The following BRINP1 variants were observed in gnomAD, a reference collection of about 807,000 sequenced individuals.
BRINP1 encodes the protein BMP/retinoic acid-inducible neural-specific protein 1.
A neutral mutation model predicts 72.9 loss-of-function variants in BRINP1; 17 were observed. The observed-to-expected ratio is 0.23, with a 90% CI of 0.16 to 0.35. The LOEUF is 0.35. Among genes scored for constraint, BRINP1 ranks in the 10% least tolerant of loss-of-function variants. The pLI is 1.00. For missense variants in BRINP1, 850 were observed against 1,001.6 expected (o/e 0.85, Z 2.04); for synonymous variants, 418 against 378.5 (o/e 1.10, Z -1.21).
At chr9:119,173,573 A>G (rs1462613381) in intron 7 of BRINP1, among the ~76,000 whole-genome samples, 1 of 152,074 alleles carries the variant, frequency 6.6e-6, no homozygotes, top group African/African-American at 2.4e-5. Context: ...TGCCCAAGGT[A>G]ATTTACAGAT....
chr9:119,241,895 T>A lies in BRINP1; in HGVS notation c.579+152A>T, dbSNP rs1406262706. 1.1e-5 allele frequency: 8 copies of A among 752,856 alleles called. No homozygotes were observed. In the East Asian group the frequency reaches 2.1e-4, roughly 19 times the overall value. 46.6% of individuals were successfully genotyped at this position (752,856 alleles called of 1,614,324 possible). A position where few individuals can be genotyped will look rare whatever the true frequency, so the allele number is the denominator to read the frequency against. On this transcript the variant is annotated intron_variant, in intron 4 of 7. Coordinates refer to ENST00000265922, the MANE Select transcript of BRINP1 (RefSeq NM_014618.3). ...ACATTGATATTAATTACAGGGTATG[T>A]GACAATATCAGTCAAAGCAGCTGGC... is the stretch of plus-strand genomic sequence containing the variant.
chr9:119,185,087 G>A (rs1829602403), intron 7 of BRINP1, among the ~76,000 whole-genome samples: 1 of 152,036 alleles, frequency 6.6e-6, no homozygotes, highest in East Asian at 1.9e-4. Flanking sequence ...TGGGTCCAGT[G>A]GGTACTTCCG....
At chr9:119,282,900 A>G (rs1398526782) in intron 2 of BRINP1, 2 of 985,428 alleles carry the variant, frequency 2.0e-6, no homozygotes, top group East Asian at 2.3e-4. Context: ...CCGCAAACAC[A>G]AAAGCTCTAT....
Position 119,269,902 on chromosome 9 carries a change from G to A in BRINP1, c.219-20752C>T, listed in dbSNP as rs1051351756. On this transcript the variant is annotated intron_variant, in intron 2 of 7. Transcript: ENST00000265922. Reference sequence around the variant, plus strand: ...GTCCTTCTTTATGAGACTTCTAGCAGAAAGAGATAAATAATAAATATTTTA... The same window carrying A: ...GTCCTTCTTTATGAGACTTCTAGCAAAAAGAGATAAATAATAAATATTTTA... Among the ~76,000 whole-genome samples the A allele has an allele frequency of 1.9e-4, 29 of 152,098 alleles. 1 individual carries two copies. The highest frequency in any genetic ancestry group is 5.3e-4 in the African/African-American group (22 of 41,482).
intron 7 of BRINP1, among the ~76,000 whole-genome samples, chr9:119,174,474 C>T: frequency 6.8e-6 from 1 of 146,070 alleles, no homozygotes; most frequent in South Asian, 2.2e-4. Context: ...ACAACAGGTG[C>T]TGGAGAGGAT....
chr9:119,183,282 A>G (rs1408247490), intron 7 of BRINP1, among the ~76,000 whole-genome samples: 2 of 152,234 alleles, frequency 1.3e-5, no homozygotes, highest in Non-Finnish European at 2.9e-5. Context: ...AGAATTCTAT[A>G]TAAACAATAA....
intron 1 of BRINP1, among the ~76,000 whole-genome samples, chr9:119,364,734 T>G (rs775062645): frequency 7.2e-5 from 11 of 152,188 alleles, no homozygotes; most frequent in Admixed American, 2.0e-4. Context: ...AGGGGCTGTA[T>G]CTGTCCCACT....
At chr9:119,296,768 CA>C (rs1209248291) in intron 2 of BRINP1, among the ~76,000 whole-genome samples, 4 of 152,220 alleles carry the variant, frequency 2.6e-5, no homozygotes, top group African/African-American at 7.2e-5. Flanking sequence ...CACAGAAAGA[CA>C]AATACTGCAT....
chr9:119,368,918 G>A lies in BRINP1; in HGVS notation c.-51+138C>T, dbSNP rs1418864054. ...TAGAACTGGAGAAGACTTGGAGGCGGCGGGGCGGCCAGGTGAAGAGCGGAC... is the reference window on the plus strand; with the variant it reads ...TAGAACTGGAGAAGACTTGGAGGCGACGGGGCGGCCAGGTGAAGAGCGGAC... On this transcript the variant is annotated intron_variant, in intron 1 of 7. Coordinates refer to ENST00000265922, the MANE Select transcript of BRINP1 (RefSeq NM_014618.3). This position sits in a 1 kb window ranked among gnomAD's most constrained non-coding sequence, Gnocchi z 4.7. 2 of 368,844 alleles carry A rather than the reference G, an allele frequency of 5.4e-6. No homozygotes were observed. Among genetic ancestry groups the A allele is most frequent in the Non-Finnish European group, 9.6e-6 (2 of 207,340 alleles). The allele number at this position is 368,844 out of a possible 1,614,324, so 22.8% of individuals were successfully genotyped here.
chr9:119,366,509 T>G (rs1285322583), intron 1 of BRINP1, among the ~76,000 whole-genome samples: 7 of 2,258 alleles, frequency 3.1e-3, no homozygotes, highest in Non-Finnish European at 6.8e-3. Flanking sequence ...CCACCGTGTG[T>G]GTGTGTGTGT....
At chr9:119,315,884 C>T (rs1314119623) in intron 1 of BRINP1, among the ~76,000 whole-genome samples, 1 of 152,142 alleles carries the variant, frequency 6.6e-6, no homozygotes. Flanking sequence ...CTCTCCAATT[C>T]CATGAAGGAT....
chr9:119,323,799 G>T (rs1587960808), intron 1 of BRINP1, among the ~76,000 whole-genome samples: 1 of 152,302 alleles, frequency 6.6e-6, no homozygotes, highest in East Asian at 1.9e-4. Context: ...TTAGCAAGAT[G>T]GAGGAGGCAT....
intron 2 of BRINP1, among the ~76,000 whole-genome samples, chr9:119,276,665 C>T (rs1830660513): frequency 6.6e-6 from 1 of 152,180 alleles, no homozygotes; most frequent in African/African-American, 2.4e-5. Context: ...ATGCTTCCCA[C>T]TATACTGGTG....
At position 119,167,175 on chromosome 9, in the gene BRINP1, T is replaced by C. The variant is rs1018376228; in HGVS notation, c.2195A>G (p.Asn732Ser). 1 of 1,614,114 alleles carries C rather than the reference T, an allele frequency of 6.2e-7. No individual in the cohort carries two copies. Among genetic ancestry groups the C allele is most frequent in the Admixed American group, 1.7e-5 (1 of 60,018 alleles). The stretch of plus-strand genomic sequence containing the variant: ...GTGGTTCACCCTGATGATCTCGCTG[T>C]TGGTCAGTTTCAGGCGGTGTTTCAG... ...CMLKHRLKLT[N>S]SEIIRVNHAL... The change falls in exon 8 of 8, where the codon AAC (asparagine) becomes AGC (serine). Residue 732 changes from asparagine to serine, a missense_variant. Asn to Ser is a conservative substitution (Grantham distance 46, BLOSUM62 1). Coordinates refer to ENST00000265922, the MANE Select transcript of BRINP1 (RefSeq NM_014618.3). This position sits in a 1 kb window ranked among gnomAD's most constrained non-coding sequence, Gnocchi z 4.3.
At chr9:119,355,607 T>C (rs1024909898) in intron 1 of BRINP1, among the ~76,000 whole-genome samples, 2 of 151,768 alleles carry the variant, frequency 1.3e-5, no homozygotes, top group African/African-American at 4.8e-5. Context: ...TGGGTGCCTG[T>C]AGTCCCAGCT....
chr9:119,339,477 C>A (rs573940722), intron 1 of BRINP1, among the ~76,000 whole-genome samples: 2 of 152,160 alleles, frequency 1.3e-5, no homozygotes, highest in African/African-American at 2.4e-5. Flanking sequence ...TTGGGTCAAC[C>A]GTATATCATC....
chr9:119,209,292 G>T (rs952267118), intron 6 of BRINP1, among the ~76,000 whole-genome samples: 4 of 152,182 alleles, frequency 2.6e-5, no homozygotes, highest in African/African-American at 4.8e-5. Flanking sequence ...TGAAAACAAG[G>T]TTGGGTGCAG....
rs1829332393 is a variant in BRINP1 at position 119,167,596 on chromosome 9, G to A, written c.1774C>T (p.Leu592Phe). Residue 592 changes from leucine (L) to phenylalanine (F), a missense_variant, in exon 8 of 8, where the codon CTC becomes TTC. Leu to Phe is a conservative substitution (Grantham distance 22). Transcript: ENST00000265922. This position sits in a 1 kb window ranked among gnomAD's most constrained non-coding sequence, Gnocchi z 4.3. ...CAGTTGTAGCACTGGCTGTTTTGGA[G>A]ACGGATCTTCTCCCAGCGTGGGTAG... ...FGYPRWEKIR[L>F]QNSQCYNWTL... 1 of 1,614,054 alleles carries A rather than the reference G, an allele frequency of 6.2e-7. No individual in the cohort carries two copies. The highest frequency in any genetic ancestry group is 1.3e-5 in the African/African-American group (1 of 74,938).
intron 2 of BRINP1, among the ~76,000 whole-genome samples, chr9:119,269,296 G>A (rs148848587): frequency 2.2e-3 from 332 of 152,254 alleles, no homozygotes; most frequent in Admixed American, 3.4e-3. Flanking sequence ...TTCAACTCCC[G>A]TTGAGTGCAG....
Sources: allele counts gnomAD v4.1 joint callset (sites outside exome capture counted in the v4.1 genomes callset), GRCh38; gene constraint gnomAD v4.1.1; non-coding constraint Gnocchi (gnomAD v3.1); transcripts MANE v1.5; gene names NCBI Gene and HGNC (gene_info 2026-07-23, HGNC 2026-07-21).